The following CECR2 variants were observed in gnomAD, a reference collection of about 807,000 sequenced individuals.
CECR2 encodes chromatin remodeling regulator CECR2.
In CECR2, 30 loss-of-function variants were observed where a neutral mutation model predicts 154.5. The observed-to-expected ratio is 0.19, with a 90% confidence interval of 0.15 to 0.26. The LOEUF (loss-of-function observed/expected upper bound fraction) is 0.26, where lower values mean the gene tolerates loss of function less well. CECR2 is among the 10% of genes least tolerant of loss of function. The probability of loss-of-function intolerance (pLI) is 1.00; values close to 1 mark genes in which losing one functional copy is unlikely to be tolerated. For synonymous variants in CECR2, 725 were observed against 683.7 expected, an observed-to-expected ratio of 1.06 and a Z score of -0.94; for missense variants, 1,743 against 1,829.3, an observed-to-expected ratio of 0.95 and a Z score of 0.86.
In CECR2 at chr22:17,383,789, C is replaced by T. The variant is rs538425839; in HGVS notation, c.126+13880C>T. Among the ~76,000 whole-genome samples the T allele has an allele frequency of 2.9e-4, 44 of 151,814 alleles. 1 individual carries two copies. The South Asian group carries it at 4.6e-3, about 16-fold the overall frequency. The stretch of plus-strand genomic sequence containing the variant: ...AAGCAATTCTCCTCCCTCAGCCTCC[C>T]GAGTAGCTGGGATTACAGACATGCA... On this transcript the variant is annotated intron_variant, in intron 1 of 18. Transcript: ENST00000262608.
At chr22:17,493,850 C>G (rs539513918) in intron 2 of CECR2, among the ~76,000 whole-genome samples, 1 of 152,214 alleles carries the variant, frequency 6.6e-6, no homozygotes, top group Non-Finnish European at 1.5e-5. Flanking sequence ...CGCTCCCTGG[C>G]CCAGCATCTT....
In CECR2 at chr22:17,491,847, C is replaced by G. The variant is rs532591767; in HGVS notation, c.222-5556C>G. On this transcript the variant is annotated intron_variant, in intron 2 of 18. Transcript: ENST00000262608. ...AAATCTGTATTATGTACATGTTTCT[C>G]TAGGCAAAGATGTTTTGCAGATTCT... Among the ~76,000 whole-genome samples the G allele has an allele frequency of 9.2e-5, 14 of 152,268 alleles. No individual in the cohort carries two copies. In the South Asian group the frequency reaches 2.9e-3, roughly 32 times the overall value.
intron 1 of CECR2, among the ~76,000 whole-genome samples, chr22:17,435,703 A>AC (rs1555909243): frequency 2.5e-4 from 38 of 149,866 alleles, no homozygotes; most frequent in African/African-American, 8.9e-4. Context: ...AAAAAAAAAA[A>AC]AAAAAAACAG....
chr22:17,482,204 C>G (rs1218906238), intron 2 of CECR2, among the ~76,000 whole-genome samples: 1 of 148,134 alleles, frequency 6.8e-6, no homozygotes, highest in Non-Finnish European at 1.5e-5. Context: ...GCAGGTGGAT[C>G]ACAAGGTCAG....
intron 17 of CECR2, among the ~76,000 whole-genome samples, chr22:17,551,678 G>A (rs528936319): frequency 2.6e-5 from 4 of 152,150 alleles, no homozygotes; most frequent in African/African-American, 9.6e-5. Context: ...AGGCATGGTA[G>A]CACACACTAC....
intron 1 of CECR2, among the ~76,000 whole-genome samples, chr22:17,402,298 T>C (rs934936324): frequency 3.3e-5 from 5 of 151,826 alleles, no homozygotes; most frequent in African/African-American, 1.2e-4. Flanking sequence ...ATTTTAACTT[T>C]TTAAAAAAAT....
At chr22:17,501,687 C>T (rs2055741412) in intron 5 of CECR2, among the ~76,000 whole-genome samples, 1 of 152,174 alleles carries the variant, frequency 6.6e-6, no homozygotes, top group Non-Finnish European at 1.5e-5. Flanking sequence ...GACAAATGTC[C>T]TGTAATTACT....
chr22:17,375,154 C>T (rs1305121444), intron 1 of CECR2, among the ~76,000 whole-genome samples: 2 of 152,162 alleles, frequency 1.3e-5, no homozygotes, highest in East Asian at 3.9e-4. Context: ...CACTCTGTCG[C>T]CCAGGCTAGA....
chr22:17,429,160 C>G (rs1470654819), intron 1 of CECR2, among the ~76,000 whole-genome samples: 1 of 151,758 alleles, frequency 6.6e-6, no homozygotes, highest in Non-Finnish European at 1.5e-5. Flanking sequence ...AGTGACTGAT[C>G]ATGGTGGTGG....
At chr22:17,550,854 A>G (rs1335602035) in intron 17 of CECR2, among the ~76,000 whole-genome samples, 1 of 152,078 alleles carries the variant, frequency 6.6e-6, no homozygotes, top group Non-Finnish European at 1.5e-5. Flanking sequence ...AGGCAGGAGA[A>G]TGGCGTGAAC....
intron 3 of CECR2, among the ~76,000 whole-genome samples, chr22:17,498,576 A>G (rs780872862): frequency 1.3e-5 from 2 of 152,004 alleles, no homozygotes; most frequent in Non-Finnish European, 2.9e-5. Context: ...TTTGCTGAGG[A>G]CTCAAGGACT....
intron 2 of CECR2, among the ~76,000 whole-genome samples, chr22:17,483,148 G>T (rs950009445): frequency 6.6e-5 from 10 of 152,248 alleles, no homozygotes; most frequent in Admixed American, 6.5e-4. Flanking sequence ...TAATATTGAT[G>T]ATCCTGACCC....
rs1419294981 is a variant in CECR2 at position 17,445,662 on chromosome 22, G to C, written c.127-31926G>C. Among the ~76,000 whole-genome samples, 5 of 151,236 alleles carry C rather than the reference G, an allele frequency of 3.3e-5. No individual in the cohort carries two copies. In the East Asian group the frequency reaches 7.7e-4, roughly 23 times the overall value. On this transcript the variant is annotated intron_variant, in intron 1 of 18. Transcript: ENST00000262608. ...TGCAATCTTGGCTGACTGCAATCTT[G>C]GCTGACTGCAACCTCTGCCTCCCAG...
chr22:17,534,291 G>T (rs747206732), intron 9 of CECR2, among the ~76,000 whole-genome samples: 2 of 152,082 alleles, frequency 1.3e-5, no homozygotes, highest in Admixed American at 1.3e-4. Context: ...CCAACAGAGC[G>T]AGACCCCTGT....
At chr22:17,462,651 C>T (rs984574102) in intron 1 of CECR2, among the ~76,000 whole-genome samples, 1 of 152,140 alleles carries the variant, frequency 6.6e-6, no homozygotes, top group African/African-American at 2.4e-5. Flanking sequence ...TGCAGTGGCT[C>T]ACGCCTGTAA....
chr22:17,488,890 T>TA (rs1334585326), intron 2 of CECR2, among the ~76,000 whole-genome samples: 1 of 152,228 alleles, frequency 6.6e-6, no homozygotes, highest in Non-Finnish European at 1.5e-5. Flanking sequence ...TTGCAACATT[T>TA]ACGTTTCCAC....
At chr22:17,447,033 C>A (rs79455275) in intron 1 of CECR2, among the ~76,000 whole-genome samples, 2 of 114,102 alleles carry the variant, frequency 1.8e-5, no homozygotes, top group African/African-American at 3.7e-5. Context: ...CGTTTACAAT[C>A]TTTTTTTTTT....
At chr22:17,493,723 A>G (rs1391618034) in intron 2 of CECR2, among the ~76,000 whole-genome samples, 1 of 152,232 alleles carries the variant, frequency 6.6e-6, no homozygotes, top group Non-Finnish European at 1.5e-5. Flanking sequence ...GTTTGAGACA[A>G]GTAAGGGCTT....
intron 8 of CECR2, among the ~76,000 whole-genome samples, chr22:17,516,272 CATTT>C (rs1371790378): frequency 2.8e-5 from 4 of 141,046 alleles, no homozygotes; most frequent in South Asian, 2.1e-4. Context: ...TACATATACA[CATTT>C]ATTATATTAT....
Sources: gnomAD v4.1 joint callset for allele counts (sites outside exome capture counted in the v4.1 genomes callset) on GRCh38, gnomAD v4.1.1 for gene constraint, MANE v1.5 for transcripts, NCBI Gene and HGNC (gene_info 2026-07-23, HGNC 2026-07-21) for gene names.